NTN4: variants seen among roughly 807,000 people sequenced by gnomAD.
The protein encoded by NTN4 is netrin 4, also known as netrin-4.
In NTN4, 32 loss-of-function variants were observed where a neutral mutation model predicts 73.6. The observed-to-expected ratio is 0.44, with a 90% CI of 0.33 to 0.58. The LOEUF (loss-of-function observed/expected upper bound fraction) is 0.58, where lower values mean the gene tolerates loss of function less well. Among genes scored for constraint, NTN4 ranks in the 20% least tolerant of loss-of-function variants. The pLI, the probability that NTN4 is intolerant of heterozygous loss-of-function variation, is 0.04. For missense variants in NTN4, 654 were observed against 798.3 expected (o/e 0.82, Z 2.18); for synonymous variants, 258 against 287.5 (o/e 0.90, Z 1.04).
At chr12:95,693,980 G>T (rs900180532) in intron 5 of NTN4, among the ~76,000 whole-genome samples, 1 of 152,014 alleles carries the variant, frequency 6.6e-6, no homozygotes. Flanking sequence ...AGCCTTTGAT[G>T]ATGGAGTCAA....
Position 95,790,338 on chromosome 12 carries a change from C to T in NTN4, c.-29G>A, listed in dbSNP as rs1214615269. 6.6e-7 allele frequency: 1 copy of T among 1,517,502 alleles called. No individual in the cohort carries two copies. The highest frequency in any genetic ancestry group is 8.8e-7 in the Non-Finnish European group (1 of 1,133,804). 94.0% of individuals were successfully genotyped at this position (1,517,502 alleles called of 1,614,324 possible). ...CGGGAGGAGCCGGGAGCAGCCGGGC[C>T]GGGCGGGTGCCGGAGGGAGCCGAGA... On this transcript the variant is annotated 5_prime_UTR_variant, in exon 1 of 10. Coordinates refer to ENST00000343702, the MANE Select transcript of NTN4 (RefSeq NM_021229.4). This position sits in a 1 kb window ranked among gnomAD's most constrained non-coding sequence, Gnocchi z 6.5.
intron 2 of NTN4, among the ~76,000 whole-genome samples, chr12:95,784,932 A>C (rs2079157032): frequency 6.6e-6 from 1 of 152,244 alleles, no homozygotes; most frequent in East Asian, 1.9e-4. Context: ...AAAAAAGACA[A>C]GACTGTATTT....
chr12:95,722,209 C>A (rs1409824118), intron 3 of NTN4, among the ~76,000 whole-genome samples: 8 of 151,810 alleles, frequency 5.3e-5, no homozygotes, highest in African/African-American at 1.7e-4. Flanking sequence ...CAAAAACAAA[C>A]CCCCAAACCC....
chr12:95,739,347 A>G (rs1324901137), intron 2 of NTN4, among the ~76,000 whole-genome samples: 6 of 152,198 alleles, frequency 3.9e-5, no homozygotes, highest in African/African-American at 1.4e-4. Context: ...TTGAACTTTT[A>G]AAGCTTAAAC....
At chr12:95,673,284 A>G in intron 7 of NTN4, 1 of 331,632 alleles carries the variant, frequency 3.0e-6, no homozygotes. Flanking sequence ...CTTCTAGGGC[A>G]TGGGTTCTCA....
intron 2 of NTN4, among the ~76,000 whole-genome samples, chr12:95,742,346 T>C (rs1321258304): frequency 1.3e-5 from 2 of 150,986 alleles, no homozygotes; most frequent in Non-Finnish European, 2.9e-5. Flanking sequence ...ATACAAAAAT[T>C]AGCCAGGCAT....
At chr12:95,708,354 C>A (rs2078536740) in intron 5 of NTN4, among the ~76,000 whole-genome samples, 1 of 151,216 alleles carries the variant, frequency 6.6e-6, no homozygotes, top group Non-Finnish European at 1.5e-5. Flanking sequence ...GTGGCATGAT[C>A]TCGGCTCACT....
At chr12:95,705,254 T>C (rs916638932) in intron 5 of NTN4, among the ~76,000 whole-genome samples, 4 of 152,194 alleles carry the variant, frequency 2.6e-5, no homozygotes, top group Non-Finnish European at 4.4e-5. Context: ...GGTCTTCTGG[T>C]ACTTGGGTAT....
At chr12:95,665,764 C>T in intron 9 of NTN4, 46 bp downstream of exon 9, 1 of 1,464,692 alleles carries the variant, frequency 6.8e-7, no homozygotes, top group Non-Finnish European at 9.3e-7. Context: ...AGCAGCAAAT[C>T]AGCAGAGACA....
At chr12:95,670,967 T>TGTAC (rs927118810) in intron 7 of NTN4, 9 of 151,592 alleles carry the variant, frequency 5.9e-5, no homozygotes, top group African/African-American at 2.2e-4. Flanking sequence ...TATGTATGTA[T>TGTAC]GTATGTATGT....
chr12:95,740,252 C>T (rs2078814031), intron 2 of NTN4, among the ~76,000 whole-genome samples: 1 of 152,216 alleles, frequency 6.6e-6, no homozygotes, highest in African/African-American at 2.4e-5. Flanking sequence ...CAACTTCTGG[C>T]AGGTCGCCCT....
intron 2 of NTN4, among the ~76,000 whole-genome samples, chr12:95,777,793 A>T (rs1447346932): frequency 1.3e-5 from 2 of 152,176 alleles, no homozygotes; most frequent in Non-Finnish European, 2.9e-5. Flanking sequence ...CAGGAATTGA[A>T]CTCAGCTCTG....
intron 3 of NTN4, among the ~76,000 whole-genome samples, chr12:95,736,933 T>C (rs1243549050): frequency 6.6e-6 from 1 of 152,236 alleles, no homozygotes; most frequent in African/African-American, 2.4e-5. Context: ...TAGGGATGTC[T>C]ATCCTTTAGG....
At chr12:95,788,915 C>T (rs1411636090) in intron 1 of NTN4, among the ~76,000 whole-genome samples, 1 of 152,096 alleles carries the variant, frequency 6.6e-6, no homozygotes, top group Non-Finnish European at 1.5e-5. Flanking sequence ...AAACACTTGC[C>T]TTGTGATGTT....
intron 5 of NTN4, among the ~76,000 whole-genome samples, chr12:95,705,952 T>C (rs2078519299): frequency 6.6e-6 from 1 of 152,244 alleles, no homozygotes; most frequent in African/African-American, 2.4e-5. Context: ...CTCAAGTTCG[T>C]TGATGAATGT....
intron 2 of NTN4, among the ~76,000 whole-genome samples, chr12:95,763,512 G>T (rs10777723): frequency 0.56 from 85,197 of 152,008 alleles, 24,127 homozygotes; most frequent in East Asian, 0.68. Flanking sequence ...ATATTTAAGG[G>T]CAGCCATCAA....
At chr12:95,678,741 C>G (rs977457996) in intron 7 of NTN4, among the ~76,000 whole-genome samples, 32 of 151,820 alleles carry the variant, frequency 2.1e-4, no homozygotes, top group African/African-American at 7.0e-4. Flanking sequence ...AATCAGTAAA[C>G]AAGTTCAGCA....
chr12:95,757,129 T>A (rs1159510099), intron 2 of NTN4, among the ~76,000 whole-genome samples: 1 of 152,192 alleles, frequency 6.6e-6, no homozygotes, highest in Non-Finnish European at 1.5e-5. Context: ...TGCTTGCCCA[T>A]CAGTGTGTAG....
intron 2 of NTN4, among the ~76,000 whole-genome samples, chr12:95,761,936 A>G (rs1238294070): frequency 6.6e-6 from 1 of 152,126 alleles, no homozygotes; most frequent in Non-Finnish European, 1.5e-5. Context: ...TGTTTAAGTC[A>G]TTAAAATTAT....
Sources: gnomAD v4.1 joint callset for allele counts (sites outside exome capture counted in the v4.1 genomes callset) on GRCh38, gnomAD v4.1.1 for gene constraint, Gnocchi (gnomAD v3.1) non-coding constraint, MANE v1.5 for transcripts, NCBI Gene and HGNC (gene_info 2026-07-23, HGNC 2026-07-21) for gene names.